WAC: variants seen among roughly 807,000 people sequenced by gnomAD.
WAC encodes the protein WW domain-containing adapter protein with coiled-coil.
WAC carries 11 observed loss-of-function variants against 79.6 expected under a neutral mutation model. That is an observed-to-expected ratio of 0.14 (90% CI 0.09 to 0.23). The LOEUF (loss-of-function observed/expected upper bound fraction) is 0.23. WAC is among the 10% of genes least tolerant of loss of function. WAC has a pLI of 1.00. For synonymous variants in WAC, 304 were observed against 276.9 expected (o/e 1.10, Z -0.97); for missense variants, 728 against 773.5 (o/e 0.94, Z 0.70).
intron 7 of WAC, among the ~76,000 whole-genome samples, chr10:28,597,866 C>G (rs1293669421): frequency 6.6e-6 from 1 of 152,168 alleles, no homozygotes; most frequent in African/African-American, 2.4e-5. Context: ...CATTGAAATT[C>G]AGATTCTCTC....
chr10:28,581,539 C>G (rs1839535950), intron 3 of WAC, among the ~76,000 whole-genome samples: 1 of 151,854 alleles, frequency 6.6e-6, no homozygotes, highest in Non-Finnish European at 1.5e-5. Context: ...GTATACTCAG[C>G]CTTTTTGTTT....
chr10:28,546,433 T>C (rs1837351364), intron 3 of WAC, among the ~76,000 whole-genome samples: 2 of 152,240 alleles, frequency 1.3e-5, no homozygotes, highest in South Asian at 4.1e-4. Flanking sequence ...AGTACTGTTC[T>C]CTGCTGCCTT....
At chr10:28,558,460 T>G (rs1218838080) in intron 3 of WAC, among the ~76,000 whole-genome samples, 1 of 152,198 alleles carries the variant, frequency 6.6e-6, no homozygotes, top group African/African-American at 2.4e-5. Flanking sequence ...TAATACCTAT[T>G]TGGCCACCTG....
chr10:28,575,365 C>G (rs553424848), intron 3 of WAC, among the ~76,000 whole-genome samples: 1 of 152,290 alleles, frequency 6.6e-6, no homozygotes, highest in South Asian at 2.1e-4. Flanking sequence ...TTTTTTATGG[C>G]TACAGATAAC....
At chr10:28,553,559 A>T (rs1837816944) in intron 3 of WAC, among the ~76,000 whole-genome samples, 1 of 152,082 alleles carries the variant, frequency 6.6e-6, no homozygotes. Flanking sequence ...TAAGGCACTC[A>T]TGGTGTTGAA....
Position 28,616,159 on chromosome 10 carries a change from A to AT in WAC, c.1557-12dup. ...TACTTTTAAACATACTACACATTCA[A>AT]TTCTGTTTTCTAGTAGCCAGAGAAG... On this transcript the variant is annotated splice_polypyrimidine_tract_variant and intron_variant, in intron 11 of 13. Coordinates refer to ENST00000354911, the MANE Select transcript of WAC (RefSeq NM_016628.5). 6.4e-7 allele frequency: 1 copy of AT among 1,571,564 alleles called. No individual in the cohort carries two copies. The highest frequency in any genetic ancestry group is 1.8e-5 in the Admixed American group (1 of 55,216).
rs371007885 is a variant in WAC at position 28,610,749 on chromosome 10, T to C, written c.1216T>C (p.Phe406Leu). The C allele has an allele frequency of 1.9e-6, 3 of 1,612,636 alleles. No individual in the cohort carries two copies. The African/African-American group carries it at 4.0e-5, about 22-fold the overall frequency. Residue 406 changes from phenylalanine (F) to leucine (L), a missense_variant, in exon 9 of 14, where the codon TTT (phenylalanine) becomes CTT (leucine). By Grantham distance (22) the Phe-to-Leu change is conservative (BLOSUM62 0). Around this residue, in one of 3 missense-constraint regions of WAC, gnomAD observed 648 missense variants for 661.5 expected, o/e 0.98. Coordinates refer to ENST00000354911, the MANE Select transcript of WAC (RefSeq NM_016628.5). ...QASLQSIIHK[F>L]LTAGPSAFNI... is the part of the protein sequence containing the mutation. ...CTCACTGCAGTCTATAATTCATAAG[T>C]TTCTTACTGCTGGACCATCTGCTTT... is the stretch of plus-strand genomic sequence containing the variant.
At chr10:28,557,444 C>T (rs1400286804) in intron 3 of WAC, among the ~76,000 whole-genome samples, 1 of 151,918 alleles carries the variant, frequency 6.6e-6, no homozygotes, top group Admixed American at 6.6e-5. Context: ...ACCTATAATC[C>T]TAGCACATGG....
chr10:28,564,859 G>C (rs1331964990), intron 3 of WAC, among the ~76,000 whole-genome samples: 1 of 152,162 alleles, frequency 6.6e-6, no homozygotes, highest in Non-Finnish European at 1.5e-5. Flanking sequence ...CATGCAGTGT[G>C]TGTGTCTGTA....
At chr10:28,561,659 ACC>A (rs1186393651) in intron 3 of WAC, among the ~76,000 whole-genome samples, 1 of 152,028 alleles carries the variant, frequency 6.6e-6, no homozygotes, top group Non-Finnish European at 1.5e-5. Flanking sequence ...GGCGTCTTTA[ACC>A]CCTGGGCCAC....
At chr10:28,583,369 GT>G in intron 3 of WAC, 29 bp from the exon 4 acceptor site, 1 of 1,485,070 alleles carries the variant, frequency 6.7e-7, no homozygotes, top group Non-Finnish European at 9.1e-7. Context: ...CAGTTTACTT[GT>G]AATTCACTTT....
chr10:28,619,463 T>G (rs1387457263), intron 13 of WAC, 74 bp from the exon 14 acceptor site: 3 of 1,148,942 alleles, frequency 2.6e-6, no homozygotes, highest in Non-Finnish European at 3.6e-6. Context: ...TAAAAAATTT[T>G]AATTATAAAA....
chr10:28,594,516 T>G (rs1453114337), intron 6 of WAC, among the ~76,000 whole-genome samples: 2 of 152,200 alleles, frequency 1.3e-5, no homozygotes, highest in African/African-American at 2.4e-5. Flanking sequence ...AACACGGAAT[T>G]TTATGTAGTA....
intron 7 of WAC, among the ~76,000 whole-genome samples, chr10:28,603,240 A>T (rs1292452498): frequency 6.6e-6 from 1 of 152,182 alleles, no homozygotes; most frequent in African/African-American, 2.4e-5. Context: ...ATGAGCTTTT[A>T]AAAAAATTGC....
rs990683577 is a variant in WAC at position 28,562,902 on chromosome 10, C to T, written c.275-20497C>T. ...ACTGTGAAAAATGTATTTTTTACTACCTTCTGCAAAGATTTTCTTGAAAAA... is the reference window on the plus strand; with the variant it reads ...ACTGTGAAAAATGTATTTTTTACTATCTTCTGCAAAGATTTTCTTGAAAAA... On this transcript the variant is annotated intron_variant, in intron 3 of 13. Transcript: ENST00000354911. 2.6e-5 allele frequency among the ~76,000 whole-genome samples: 4 copies of T among 151,834 alleles called. No individual in the cohort carries two copies. In the East Asian group the frequency reaches 7.7e-4, roughly 29 times the overall value.
chr10:28,537,578 T>C (rs1427621678), intron 3 of WAC: 1 of 152,208 alleles, frequency 6.6e-6, no homozygotes, highest in Non-Finnish European at 1.5e-5. Context: ...GCCAATTCTT[T>C]TACAGGTGAA....
rs1342283454 is a variant in WAC at position 28,534,002 on chromosome 10, C to T, written c.46C>T (p.His16Tyr). The T allele has an allele frequency of 6.2e-7, 1 of 1,603,638 alleles. No homozygotes were observed. The highest frequency in any genetic ancestry group is 8.5e-7 in the Non-Finnish European group (1 of 1,175,382). Reference protein sequence around the residue: ...RKQQRLSDGCHDRRGDSQPYQ... With the variant: ...RKQQRLSDGCYDRRGDSQPYQ... ...CCTTCTCTTCCTGTTTTTCAGCTGTCACGACCGGAGGGGGGACTCGCAGCC... is the reference window on the plus strand; with the variant it reads ...CCTTCTCTTCCTGTTTTTCAGCTGTTACGACCGGAGGGGGGACTCGCAGCC... The change falls in exon 2 of 14, where the codon CAC becomes TAC. Residue 16 changes from histidine (H) to tyrosine (Y), a missense_variant. Physicochemically the swap from His to Tyr is moderately conservative, Grantham distance 83. Transcript: ENST00000354911.
intron 3 of WAC, among the ~76,000 whole-genome samples, chr10:28,557,118 G>A (rs981954057): frequency 6.0e-5 from 9 of 151,250 alleles, no homozygotes; most frequent in Admixed American, 5.9e-4. Context: ...TATAAGTCAC[G>A]GTTATTTAAG....
At chr10:28,565,959 G>A (rs1242162513) in intron 3 of WAC, among the ~76,000 whole-genome samples, 1 of 152,098 alleles carries the variant, frequency 6.6e-6, no homozygotes, top group Non-Finnish European at 1.5e-5. Context: ...CAGAAAGCAG[G>A]AGCACAATCT....
Sources: gnomAD v4.1 joint callset for allele counts (sites outside exome capture counted in the v4.1 genomes callset) on GRCh38, gnomAD v4.1.1 for gene constraint, gnomAD v4.1.1 regional missense constraint, MANE v1.5 for transcripts, NCBI Gene and HGNC (gene_info 2026-07-23, HGNC 2026-07-21) for gene names.